Variants in KPNA1 observed in about 807,000 individuals in gnomAD.
KPNA1 encodes importin subunit alpha-5.
In KPNA1, 10 loss-of-function variants were observed where a neutral mutation model predicts 70.5. That is an observed-to-expected ratio of 0.14 (90% CI 0.09 to 0.24). KPNA1 has a LOEUF of 0.24. Among genes scored for constraint, KPNA1 ranks in the 10% least tolerant of loss-of-function variants. The pLI is 1.00. For missense variants in KPNA1, 397 were observed against 637.9 expected, an observed-to-expected ratio of 0.62 and a Z score of 4.07; for synonymous variants, 192 against 221.9, an observed-to-expected ratio of 0.87 and a Z score of 1.20.
intron 4 of KPNA1, among the ~76,000 whole-genome samples, chr3:122,462,515 A>C (rs951357592): frequency 6.6e-6 from 1 of 152,124 alleles, no homozygotes; most frequent in Non-Finnish European, 1.5e-5. Flanking sequence ...TCTAGTTATC[A>C]CATTTTTAAG....
intron 5 of KPNA1, among the ~76,000 whole-genome samples, chr3:122,455,089 C>T (rs760258192): frequency 9.9e-5 from 15 of 152,098 alleles, no homozygotes; most frequent in Admixed American, 9.8e-4. Flanking sequence ...AATAACAAGT[C>T]GTCATCAAAT....
chr3:122,458,740 T>C (rs1467154186), intron 5 of KPNA1, among the ~76,000 whole-genome samples: 1 of 152,210 alleles, frequency 6.6e-6, no homozygotes, highest in East Asian at 1.9e-4. Flanking sequence ...ACCTCCAAGC[T>C]TCCCAGAGCA....
chr3:122,488,434 C>T (rs776752193), intron 2 of KPNA1, among the ~76,000 whole-genome samples: 2 of 152,120 alleles, frequency 1.3e-5, no homozygotes, highest in Non-Finnish European at 2.9e-5. Context: ...AGGTGAATCA[C>T]TTTGAGTCTG....
At chr3:122,512,473 G>C (rs1238891431) in intron 1 of KPNA1, among the ~76,000 whole-genome samples, 1 of 152,220 alleles carries the variant, frequency 6.6e-6, no homozygotes, top group Admixed American at 6.5e-5. Flanking sequence ...TGTAATCCTA[G>C]AACTTCGGGA....
intron 2 of KPNA1, among the ~76,000 whole-genome samples, chr3:122,489,980 T>C (rs1465739532): frequency 3.3e-5 from 5 of 152,246 alleles, no homozygotes; most frequent in African/African-American, 7.2e-5. Context: ...TAATCCCTCA[T>C]GAATTATGAG....
At chr3:122,496,319 AACACAC>A (rs9289194) in intron 2 of KPNA1, 112 bp downstream of exon 2, 30 of 440,412 alleles carry the variant, frequency 6.8e-5, no homozygotes, top group East Asian at 1.9e-4. Context: ...AGAAGGGGAA[AACACAC>A]ACACACACAC....
chr3:122,470,972 T>TG (rs1288154508), intron 2 of KPNA1, among the ~76,000 whole-genome samples: 4 of 152,334 alleles, frequency 2.6e-5, no homozygotes, highest in African/African-American at 9.6e-5. Flanking sequence ...AGATACATCT[T>TG]GGAGTCATCC....
rs1427639114 is a variant in KPNA1 at position 122,489,544 on chromosome 3, A to C, written c.129+6893T>G. 3.3e-5 allele frequency among the ~76,000 whole-genome samples: 5 copies of C among 152,324 alleles called. No homozygotes were observed. The East Asian group carries it at 9.6e-4, about 29-fold the overall frequency. ...CTCAGCCTCCCAAAGCACTGGGATTATAGGTGTGAACCACCATGCCTGGCA... is the reference window on the plus strand; with the variant it reads ...CTCAGCCTCCCAAAGCACTGGGATTCTAGGTGTGAACCACCATGCCTGGCA... On this transcript the variant is annotated intron_variant, in intron 2 of 13. Coordinates refer to ENST00000344337, the MANE Select transcript of KPNA1 (RefSeq NM_002264.4).
intron 1 of KPNA1, among the ~76,000 whole-genome samples, chr3:122,506,598 A>C (rs2076893076): frequency 6.6e-6 from 1 of 152,218 alleles, no homozygotes; most frequent in Non-Finnish European, 1.5e-5. Context: ...AAAACCCTTC[A>C]ATAAAGCTTT....
rs1314261610 is a variant in KPNA1, at chr3:122,423,697, G to A, written c.*3288C>T. ...CTGTGGGTAGACGTACAATAGAATTGGTTGACAAAGTTTGGTTTATAAAAT... is the reference window on the plus strand; with the variant it reads ...CTGTGGGTAGACGTACAATAGAATTAGTTGACAAAGTTTGGTTTATAAAAT... On this transcript the variant is annotated 3_prime_UTR_variant, in exon 14 of 14. Transcript: ENST00000344337. 1.3e-5 allele frequency: 2 copies of A among 152,558 alleles called. No individual in the cohort carries two copies. Among genetic ancestry groups the A allele is most frequent in the East Asian group, 3.9e-4 (2 of 5,190 alleles). 9.5% of individuals were successfully genotyped at this position (152,558 alleles called of 1,614,324 possible).
At position 122,456,111 on chromosome 3, in the gene KPNA1, T is replaced by G. The variant is rs986689064; in HGVS notation, c.433-2110A>C. Among the ~76,000 whole-genome samples the G allele has an allele frequency of 1.1e-4, 16 of 152,334 alleles. 1 individual carries two copies. Among genetic ancestry groups the G allele is most frequent in the Admixed American group, 2.0e-4 (3 of 15,306 alleles). On this transcript the variant is annotated intron_variant, in intron 5 of 13. Coordinates refer to ENST00000344337, the MANE Select transcript of KPNA1 (RefSeq NM_002264.4). ...GCTGACCCAGAAATATTTCATTTGC[T>G]TGTAGTTTGGATATCTAGTTCAAGA...
intron 2 of KPNA1, among the ~76,000 whole-genome samples, chr3:122,490,318 A>AGATAATC (rs1314795164): frequency 3.9e-5 from 6 of 152,242 alleles, no homozygotes; most frequent in East Asian, 1.9e-4. Context: ...TAGAAAGCTG[A>AGATAATC]GATAATCACA....
chr3:122,449,413 G>A (rs771219854), intron 9 of KPNA1, among the ~76,000 whole-genome samples, 161 bp downstream of exon 9: 4 of 152,062 alleles, frequency 2.6e-5, no homozygotes, highest in Non-Finnish European at 5.9e-5. Flanking sequence ...AATAAAACAA[G>A]ACAAACAGAT....
intron 2 of KPNA1, among the ~76,000 whole-genome samples, chr3:122,484,138 A>G (rs2076602723): frequency 6.6e-6 from 1 of 152,166 alleles, no homozygotes; most frequent in African/African-American, 2.4e-5. Flanking sequence ...ATATGCTATT[A>G]AACTGTGAAT....
chr3:122,480,278 A>C (rs900044069), intron 2 of KPNA1, among the ~76,000 whole-genome samples: 1 of 110,920 alleles, frequency 9.0e-6, no homozygotes, highest in South Asian at 3.0e-4. Context: ...TAAACTATAG[A>C]CTTTGGGTGA....
At chr3:122,498,715 A>C (rs115797345) in intron 1 of KPNA1, among the ~76,000 whole-genome samples, 2,762 of 152,188 alleles carry the variant, frequency 0.018, 103 homozygotes, top group African/African-American at 0.062. Context: ...TTCTTTTTTC[A>C]AGATTGTTTT....
intron 8 of KPNA1, among the ~76,000 whole-genome samples, chr3:122,450,216 C>T (rs2076183692): frequency 6.6e-6 from 1 of 152,054 alleles, no homozygotes; most frequent in South Asian, 2.1e-4. Context: ...AAAAAAAAAT[C>T]CCATCAAAAA....
intron 9 of KPNA1, among the ~76,000 whole-genome samples, chr3:122,442,407 G>C (rs1386242018): frequency 6.6e-6 from 1 of 152,118 alleles, no homozygotes; most frequent in Non-Finnish European, 1.5e-5. Context: ...CTTTAGTATA[G>C]GTTTCATTTC....
At position 122,452,024 on chromosome 3, in the gene KPNA1, A is replaced by G. The variant is rs1281751321; in HGVS notation, c.605T>C (p.Met202Thr). The G allele has an allele frequency of 2.5e-6, 4 of 1,612,116 alleles. No homozygotes were observed. Among genetic ancestry groups the G allele is most frequent in the African/African-American group, 1.3e-5 (1 of 74,862 alleles). ...ALGNIAGDST[M>T]CRDYVLDCNI... ...GCAGTCTAAGACATAGTCCCTGCACATGGTACTATCTCCAGCAATGTTGCC... is the reference window on the plus strand; with the variant it reads ...GCAGTCTAAGACATAGTCCCTGCACGTGGTACTATCTCCAGCAATGTTGCC... Residue 202 changes from methionine (M) to threonine (T), a missense_variant, in exon 7 of 14, where the codon ATG (methionine) becomes ACG (threonine). Met to Thr is a moderately conservative substitution (Grantham distance 81). Coordinates refer to ENST00000344337, the MANE Select transcript of KPNA1 (RefSeq NM_002264.4).
Sources: allele counts gnomAD v4.1 joint callset (sites outside exome capture counted in the v4.1 genomes callset), GRCh38; gene constraint gnomAD v4.1.1; transcripts MANE v1.5; gene names NCBI Gene and HGNC (gene_info 2026-07-23, HGNC 2026-07-21).